The following G2E3 variants were observed in gnomAD, a reference collection of about 807,000 sequenced individuals.
The protein encoded by G2E3 is G2/M-phase specific E3 ubiquitin protein ligase.
Under a neutral mutation model 92.8 loss-of-function variants are expected in G2E3, and 35 were observed. The ratio of observed to expected loss-of-function variants is 0.38; its 90% CI spans 0.29 to 0.50. The LOEUF (loss-of-function observed/expected upper bound fraction) is 0.50, where lower values mean the gene tolerates loss of function less well. G2E3 is among the 20% of genes least tolerant of loss of function. The pLI, the probability that G2E3 is intolerant of heterozygous loss-of-function variation, is 0.94. For synonymous variants in G2E3, 242 were observed against 272.4 expected (o/e 0.89, Z 1.10); for missense variants, 554 against 823.8 (o/e 0.67, Z 4.01).
chr14:30,589,069 T>G (rs1003053350), intron 3 of G2E3, among the ~76,000 whole-genome samples: 2 of 152,074 alleles, frequency 1.3e-5, no homozygotes, highest in African/African-American at 4.8e-5. Flanking sequence ...CTTTCTTTTT[T>G]TCTTCCTCTA....
intron 6 of G2E3, 21 bp from the exon 7 acceptor site, chr14:30,597,399 A>T (rs1462202184): frequency 8.6e-7 from 1 of 1,161,076 alleles, no homozygotes; most frequent in Admixed American, 1.7e-5. Flanking sequence ...TTAACAGTAG[A>T]CTTTTTATTT....
intron 3 of G2E3, among the ~76,000 whole-genome samples, chr14:30,588,791 G>T (rs1880854333): frequency 1.3e-5 from 2 of 152,040 alleles, no homozygotes; most frequent in Admixed American, 1.3e-4. Flanking sequence ...TCTGATTCAG[G>T]CTTTCTTAAC....
chr14:30,579,705 A>G (rs985529196), intron 1 of G2E3, among the ~76,000 whole-genome samples: 1 of 152,206 alleles, frequency 6.6e-6, no homozygotes, highest in African/African-American at 2.4e-5. Context: ...TGTAACCTGC[A>G]GTCACTCAGT....
At chr14:30,561,013 A>C (rs1879067090) in intron 1 of G2E3, among the ~76,000 whole-genome samples, 1 of 152,168 alleles carries the variant, frequency 6.6e-6, no homozygotes, top group African/African-American at 2.4e-5. Context: ...TCTCTGCTTC[A>C]TTTCCCTCTA....
chr14:30,610,535 A>G (rs1281099953), intron 12 of G2E3, among the ~76,000 whole-genome samples: 1 of 152,200 alleles, frequency 6.6e-6, no homozygotes, highest in Non-Finnish European at 1.5e-5. Context: ...CCCGGGAGGC[A>G]GAGGTGGCAG....
chr14:30,606,940 TC>T (rs1466913745), intron 11 of G2E3, among the ~76,000 whole-genome samples: 3 of 152,126 alleles, frequency 2.0e-5, no homozygotes, highest in African/African-American at 7.2e-5. Context: ...GTGATATAGA[TC>T]AAGAACCTTA....
chr14:30,563,314 G>A (rs764987566), intron 1 of G2E3, among the ~76,000 whole-genome samples: 5 of 152,108 alleles, frequency 3.3e-5, no homozygotes, highest in Non-Finnish European at 7.4e-5. Context: ...TTAAAAACCT[G>A]CCCAACAATG....
intron 1 of G2E3, among the ~76,000 whole-genome samples, chr14:30,565,450 G>A (rs1879370643): frequency 6.6e-6 from 1 of 151,860 alleles, no homozygotes; most frequent in African/African-American, 2.4e-5. Flanking sequence ...TTATACTTTG[G>A]TAAAGTTCAA....
At chr14:30,570,030 T>C (rs1879666578) in intron 1 of G2E3, among the ~76,000 whole-genome samples, 1 of 152,238 alleles carries the variant, frequency 6.6e-6, no homozygotes, top group South Asian at 2.1e-4. Flanking sequence ...CTGCCTCCCA[T>C]GTGAGTATGT....
intron 1 of G2E3, among the ~76,000 whole-genome samples, chr14:30,562,524 C>T (rs574718060): frequency 6.6e-6 from 1 of 152,198 alleles, no homozygotes; most frequent in East Asian, 1.9e-4. Context: ...CGCCCGTTGC[C>T]AAGAGGACCA....
intron 2 of G2E3, among the ~76,000 whole-genome samples, chr14:30,581,499 G>A (rs896451045): frequency 2.0e-5 from 3 of 152,188 alleles, no homozygotes; most frequent in African/African-American, 7.2e-5. Context: ...TTGAGGTCAA[G>A]AGTTCAAGAC....
At chr14:30,586,050 G>A (rs894811971) in intron 2 of G2E3, among the ~76,000 whole-genome samples, 1 of 152,082 alleles carries the variant, frequency 6.6e-6, no homozygotes, top group East Asian at 1.9e-4. Flanking sequence ...CTTGTCCTAG[G>A]CTGCTACAGC....
At chr14:30,576,957 T>C (rs542853508) in intron 1 of G2E3, among the ~76,000 whole-genome samples, 15 of 152,286 alleles carry the variant, frequency 9.8e-5, no homozygotes, top group African/African-American at 3.6e-4. Context: ...CCAGGCACGA[T>C]GGCTCACACC....
chr14:30,589,006 C>G (rs1356612145), intron 3 of G2E3, among the ~76,000 whole-genome samples: 1 of 152,040 alleles, frequency 6.6e-6, no homozygotes, highest in Non-Finnish European at 1.5e-5. Context: ...TCTGAATTGT[C>G]TCCATCTGTA....
chr14:30,590,595 C>G (rs1406971349), intron 4 of G2E3: 1 of 449,946 alleles, frequency 2.2e-6, no homozygotes, highest in East Asian at 7.0e-5. Context: ...AAGGGAAGCA[C>G]ATAAGAAACA....
intron 2 of G2E3, among the ~76,000 whole-genome samples, chr14:30,583,973 T>A (rs532651023): frequency 6.6e-6 from 1 of 152,322 alleles, no homozygotes; most frequent in South Asian, 2.1e-4. Context: ...TAAAACATTT[T>A]AATCGCCCTC....
intron 4 of G2E3, 76 bp from the exon 5 acceptor site, chr14:30,592,247 A>G: frequency 7.9e-7 from 1 of 1,259,100 alleles, no homozygotes; most frequent in Non-Finnish European, 1.2e-6. Flanking sequence ...CACCAGGAGT[A>G]TTTATTTATG....
rs114529513 is a variant in G2E3 at position 30,597,642 on chromosome 14, A to G, written c.635+116A>G. 1,413 of 664,574 alleles carry G rather than the reference A, an allele frequency of 2.1e-3. 14 individuals carry two copies. In the African/African-American group the frequency reaches 0.024, roughly 11 times the overall value. 41.2% of individuals were successfully genotyped at this position (664,574 alleles called of 1,614,324 possible). A position where few individuals can be genotyped will look rare whatever the true frequency, so the allele number is the denominator to read the frequency against. On this transcript the variant is annotated intron_variant, in intron 7 of 14. Transcript: ENST00000206595. ...GAGCATGGACAGGTAGCCATTTCAAATGGTGAAATGCAAAACCTTCTCCTC... is the reference window on the plus strand; with the variant it reads ...GAGCATGGACAGGTAGCCATTTCAAGTGGTGAAATGCAAAACCTTCTCCTC...
chr14:30,585,470 T>A (rs1880658432), intron 2 of G2E3, among the ~76,000 whole-genome samples: 1 of 152,140 alleles, frequency 6.6e-6, no homozygotes, highest in Non-Finnish European at 1.5e-5. Context: ...TGACCATAGA[T>A]GTATATATTT....
Sources: allele counts gnomAD v4.1 joint callset (sites outside exome capture counted in the v4.1 genomes callset), GRCh38; gene constraint gnomAD v4.1.1; transcripts MANE v1.5; gene names NCBI Gene and HGNC (gene_info 2026-07-23, HGNC 2026-07-21).